The following PLEKHH2 variants were observed in gnomAD, a reference collection of about 807,000 sequenced individuals.
PLEKHH2 encodes the protein pleckstrin homology, MyTH4 and FERM domain containing H2, also known as pleckstrin homology domain-containing family H member 2.
In PLEKHH2, 129 loss-of-function variants were observed where a neutral mutation model predicts 187.9. The ratio of observed to expected loss-of-function variants is 0.69; its 90% CI spans 0.59 to 0.79. The LOEUF is 0.79. Ranked by LOEUF, PLEKHH2 falls within the 30% of genes least tolerant of loss-of-function variation. The pLI is 0.00. For missense variants in PLEKHH2, 2,076 were observed against 1,751.2 expected (o/e 1.19, Z -3.31); for synonymous variants, 686 against 605.6 (o/e 1.13, Z -1.95).
chr2:43,688,214 C>G (rs1239710432), intron 3 of PLEKHH2, among the ~76,000 whole-genome samples: 1 of 152,144 alleles, frequency 6.6e-6, no homozygotes, highest in Non-Finnish European at 1.5e-5. Context: ...AAAATATTCA[C>G]CAACTATGCA....
chr2:43,713,280 C>G, intron 15 of PLEKHH2, among the ~76,000 whole-genome samples: 1 of 152,044 alleles, frequency 6.6e-6, no homozygotes, highest in Non-Finnish European at 1.5e-5. Context: ...ATGCACAGAT[C>G]TTAAGTGTAG....
intron 3 of PLEKHH2, among the ~76,000 whole-genome samples, chr2:43,686,246 G>C (rs1458677572): frequency 6.6e-6 from 1 of 151,514 alleles, no homozygotes; most frequent in African/African-American, 2.4e-5. Context: ...GCCCAGGCTG[G>C]AGTGCAGTGG....
intron 2 of PLEKHH2, among the ~76,000 whole-genome samples, chr2:43,653,155 T>C (rs1666572476): frequency 6.6e-6 from 1 of 152,106 alleles, no homozygotes; most frequent in Non-Finnish European, 1.5e-5. Flanking sequence ...TTTCCTAGAA[T>C]TGAAGCATAC....
intron 20 of PLEKHH2, among the ~76,000 whole-genome samples, chr2:43,738,870 T>C (rs1671426188): frequency 6.6e-6 from 1 of 152,304 alleles, no homozygotes; most frequent in Admixed American, 6.5e-5. Context: ...TTTTTTCCTA[T>C]AATAAATACC....
chr2:43,764,235 T>G lies in PLEKHH2; in HGVS notation c.4166T>G (p.Ile1389Arg). Reference sequence around the variant, plus strand: ...TTTTTCTTATCTTTAAAGAGGTTAATAGTCAGCTATGTGTACAAGAGTCTA... The same window carrying G: ...TTTTTCTTATCTTTAAAGAGGTTAAGAGTCAGCTATGTGTACAAGAGTCTA... ...SLLEYNSMRL[I>R]VSYVYKSLMT... The change falls in exon 29 of 30, where the codon ATA becomes AGA. Residue 1389 changes from isoleucine (I) to arginine (R), a missense_variant. Physicochemically the swap from Ile to Arg is moderately conservative, Grantham distance 97. Transcript: ENST00000282406. The G allele has an allele frequency of 6.7e-7, 1 of 1,491,336 alleles. No homozygotes were observed. Among genetic ancestry groups the G allele is most frequent in the Non-Finnish European group, 9.0e-7 (1 of 1,116,244 alleles). 92.4% of individuals were successfully genotyped at this position (1,491,336 alleles called of 1,614,324 possible).
intron 2 of PLEKHH2, among the ~76,000 whole-genome samples, chr2:43,651,218 T>C (rs1666454629): frequency 6.6e-6 from 1 of 152,012 alleles, no homozygotes; most frequent in Admixed American, 6.6e-5. Context: ...TGTGTATTCA[T>C]TATGCCTGCC....
At chr2:43,722,083 C>T (rs1422048460) in intron 16 of PLEKHH2, among the ~76,000 whole-genome samples, 1 of 148,730 alleles carries the variant, frequency 6.7e-6, no homozygotes. Flanking sequence ...AAAACCTAGT[C>T]TCTACTAAAA....
intron 19 of PLEKHH2, among the ~76,000 whole-genome samples, chr2:43,736,388 A>G (rs1029146267): frequency 6.6e-6 from 1 of 152,184 alleles, no homozygotes; most frequent in African/African-American, 2.4e-5. Flanking sequence ...TTCTTCGGAA[A>G]AAACTAATGA....
At chr2:43,747,478 G>C (rs1200372332) in intron 24 of PLEKHH2, among the ~76,000 whole-genome samples, 2 of 152,186 alleles carry the variant, frequency 1.3e-5, no homozygotes, top group Non-Finnish European at 2.9e-5. Context: ...TGTAGATGGA[G>C]GCTGCTTAGC....
intron 15 of PLEKHH2, among the ~76,000 whole-genome samples, chr2:43,715,076 G>A (rs746926147): frequency 4.6e-5 from 7 of 152,122 alleles, no homozygotes; most frequent in Non-Finnish European, 8.8e-5. Flanking sequence ...TCAGAAGTTC[G>A]AGACCAGCCT....
At chr2:43,760,941 C>A (rs1672405489) in intron 27 of PLEKHH2, among the ~76,000 whole-genome samples, 1 of 152,230 alleles carries the variant, frequency 6.6e-6, no homozygotes, top group Admixed American at 6.5e-5. Flanking sequence ...CTTCAAGGTT[C>A]ATCCATGTTG....
In PLEKHH2 at chr2:43,757,218, T is replaced by C; in HGVS notation, c.3895T>C (p.Phe1299Leu). Residue 1299 changes from phenylalanine to leucine, a missense_variant, in exon 26 of 30, where the codon TTT becomes CTT. Transcript: ENST00000282406. ...AACTCTAAAGCAAGTCATAGAGAAATTTTATCCTAAAAGGTATAGAGATGG... is the reference window on the plus strand; with the variant it reads ...AACTCTAAAGCAAGTCATAGAGAAACTTTATCCTAAAAGGTATAGAGATGG... ...NQTLKQVIEK[F>L]YPKRYRDGCS... The C allele has an allele frequency of 6.2e-7, 1 of 1,602,908 alleles. No homozygotes were observed. The highest frequency in any genetic ancestry group is 8.5e-7 in the Non-Finnish European group (1 of 1,175,624).
At chr2:43,731,439 C>A in intron 18 of PLEKHH2, 51 bp from the exon 19 acceptor site, 1 of 1,203,498 alleles carries the variant, frequency 8.3e-7, no homozygotes, top group Admixed American at 1.9e-5. Flanking sequence ...AATAAGAGGC[C>A]ACAATAAGTG....
At chr2:43,741,116 C>G (rs756724573) in intron 21 of PLEKHH2, 73 bp downstream of exon 21, 6 of 1,344,978 alleles carry the variant, frequency 4.5e-6, no homozygotes, top group African/African-American at 1.5e-5. Flanking sequence ...AAGTATTTAA[C>G]GATCTGCCAG....
intron 19 of PLEKHH2, among the ~76,000 whole-genome samples, chr2:43,737,228 C>T (rs538339122): frequency 1.3e-5 from 2 of 152,116 alleles, no homozygotes; most frequent in Admixed American, 6.5e-5. Flanking sequence ...TTAAAGCATA[C>T]CAAAAAGTCC....
At chr2:43,753,422 C>A (rs899247454) in intron 24 of PLEKHH2, among the ~76,000 whole-genome samples, 197 bp from the exon 25 acceptor site, 1 of 152,142 alleles carries the variant, frequency 6.6e-6, no homozygotes, top group African/African-American at 2.4e-5. Context: ...TCAACCTCAA[C>A]CTCAAAGCAG....
intron 24 of PLEKHH2, among the ~76,000 whole-genome samples, chr2:43,752,779 A>G (rs1672058345): frequency 6.6e-6 from 1 of 152,192 alleles, no homozygotes; most frequent in Admixed American, 6.5e-5. Flanking sequence ...CATATGAATA[A>G]ATGACACAGT....
At chr2:43,680,862 A>G in intron 3 of PLEKHH2, 1 of 539,172 alleles carries the variant, frequency 1.9e-6, no homozygotes, top group Non-Finnish European at 3.4e-6. Context: ...GTTCCATAGC[A>G]TAGTCACATC....
intron 3 of PLEKHH2, among the ~76,000 whole-genome samples, chr2:43,687,078 T>G (rs2104451278): frequency 6.6e-6 from 1 of 152,336 alleles, no homozygotes; most frequent in African/African-American, 2.4e-5. Flanking sequence ...AGGTTTGGGA[T>G]ATGGATGATT....
Sources: gnomAD v4.1 joint callset for allele counts (sites outside exome capture counted in the v4.1 genomes callset) on GRCh38, gnomAD v4.1.1 for gene constraint, MANE v1.5 for transcripts, NCBI Gene and HGNC (gene_info 2026-07-23, HGNC 2026-07-21) for gene names.